Variants in TMEM63C observed in about 807,000 individuals in gnomAD.
TMEM63C encodes transmembrane protein 63C, also known as osmosensitive cation channel TMEM63C.
A neutral mutation model predicts 99.2 loss-of-function variants in TMEM63C; 32 were observed. The observed-to-expected ratio is 0.32, with a 90% confidence interval of 0.24 to 0.43. The LOEUF (loss-of-function observed/expected upper bound fraction) is 0.43, where lower values mean the gene tolerates loss of function less well. Among genes scored for constraint, TMEM63C ranks in the 20% least tolerant of loss-of-function variants. The pLI is 1.00. For synonymous variants in TMEM63C, 376 were observed against 397.9 expected (o/e 0.94, Z 0.66); for missense variants, 826 against 1,053.0 (o/e 0.78, Z 2.98).
chr14:77,258,058 A>T lies in TMEM63C; in HGVS notation c.*1332A>T, dbSNP rs1190436863. The T allele has an allele frequency of 2.0e-5, 3 of 152,284 alleles. No homozygotes were observed. Among genetic ancestry groups the T allele is most frequent in the Non-Finnish European group, 4.4e-5 (3 of 68,164 alleles). 9.4% of individuals were successfully genotyped at this position (152,284 alleles called of 1,614,324 possible). On this transcript the variant is annotated 3_prime_UTR_variant, in exon 24 of 24. Coordinates refer to ENST00000298351, the MANE Select transcript of TMEM63C (RefSeq NM_020431.4). Reference sequence around the variant, plus strand: ...CAGCACCTTTGCCACAGCCGGGGGGAACCGGCTTCTGCCTCTGGGATGGGC... The same window carrying T: ...CAGCACCTTTGCCACAGCCGGGGGGTACCGGCTTCTGCCTCTGGGATGGGC...
At chr14:77,234,251 C>G (rs932294347) in intron 8 of TMEM63C, among the ~76,000 whole-genome samples, 2 of 152,160 alleles carry the variant, frequency 1.3e-5, no homozygotes, top group African/African-American at 4.8e-5. Flanking sequence ...CCTCGCCTCC[C>G]CCAACCCCTA....
chr14:77,204,672 T>C (rs1041139432), intron 1 of TMEM63C, among the ~76,000 whole-genome samples: 1 of 152,158 alleles, frequency 6.6e-6, no homozygotes, highest in African/African-American at 2.4e-5. Context: ...GTAAACAACA[T>C]CGAATGTACT....
rs762610830 is a variant in TMEM63C at position 77,244,418 on chromosome 14, G to A, written c.1411G>A (p.Val471Ile). 1.2e-6 allele frequency: 2 copies of A among 1,613,936 alleles called. No individual in the cohort carries two copies. The highest frequency in any genetic ancestry group is 2.2e-5 in the East Asian group (1 of 44,864). Residue 471 changes from valine to isoleucine, a missense_variant, in exon 16 of 24, where the codon GTC becomes ATC. Coordinates refer to ENST00000298351, the MANE Select transcript of TMEM63C (RefSeq NM_020431.4). ...WGFTVILPLI[V>I]YFSAFLEAHW... ...CTTCACAGTGATACTGCCTCTGATT[G>A]TCTACTTCTCCGCCTTCCTCGAGGC...
intron 1 of TMEM63C, among the ~76,000 whole-genome samples, chr14:77,202,158 A>G (rs990726371): frequency 6.6e-6 from 1 of 152,262 alleles, no homozygotes; most frequent in African/African-American, 2.4e-5. Flanking sequence ...ACACAAGTGT[A>G]TACAACTCAA....
intron 5 of TMEM63C, among the ~76,000 whole-genome samples, chr14:77,224,167 G>A (rs1411336606): frequency 1.3e-5 from 2 of 151,978 alleles, no homozygotes; most frequent in African/African-American, 4.8e-5. Flanking sequence ...ACAGGGAAGG[G>A]GACTTAGAAG....
At chr14:77,202,005 C>G (rs1888308054) in intron 1 of TMEM63C, among the ~76,000 whole-genome samples, 1 of 152,218 alleles carries the variant, frequency 6.6e-6, no homozygotes, top group Non-Finnish European at 1.5e-5. Context: ...TGAGTCCATT[C>G]CATCCCCACT....
At chr14:77,215,816 A>C (rs988866184) in intron 2 of TMEM63C, among the ~76,000 whole-genome samples, 1 of 152,060 alleles carries the variant, frequency 6.6e-6, no homozygotes, top group Non-Finnish European at 1.5e-5. Flanking sequence ...TTGCTCCAGC[A>C]GTTCCCCCCT....
In TMEM63C at chr14:77,235,293, C is replaced by T. The variant is rs993239335; in HGVS notation, c.543-1331C>T. On this transcript the variant is annotated intron_variant, in intron 8 of 23. Transcript: ENST00000298351. ...GAGAGGGGTCCAGGGAGATTGTGATCGGTGGGAGGGGAGGGTCTGAGAAGA... is the reference window on the plus strand; with the variant it reads ...GAGAGGGGTCCAGGGAGATTGTGATTGGTGGGAGGGGAGGGTCTGAGAAGA... 5.4e-5 allele frequency among the ~76,000 whole-genome samples: 8 copies of T among 148,100 alleles called. No individual in the cohort carries two copies. In the South Asian group the frequency reaches 8.8e-4, roughly 16 times the overall value.
rs1285196189 is a variant in TMEM63C, at chr14:77,236,716, C to T, written c.635C>T (p.Pro212Leu). 1 of 1,611,392 alleles carries T rather than the reference C, an allele frequency of 6.2e-7. No homozygotes were observed. The change falls in exon 9 of 24, where the codon CCC (proline) becomes CTC (leucine). Residue 212 changes from proline to leucine, a missense_variant. Coordinates refer to ENST00000298351, the MANE Select transcript of TMEM63C (RefSeq NM_020431.4). Reference sequence around the variant, plus strand: ...GCTCATCACTGCCTGGGGTTTGCACCCAGGAATAGCCAAAAGGTAAGTAGC... The same window carrying T: ...GCTCATCACTGCCTGGGGTTTGCACTCAGGAATAGCCAAAAGGTAAGTAGC... ...FMAHHCLGFAPRNSQKVTRTL... is the reference protein window; with the variant it reads ...FMAHHCLGFALRNSQKVTRTL...
Position 77,242,884 on chromosome 14 carries a change from T to C in TMEM63C, c.1188-19T>C. ...AACTGATGTCTCTAAATGTGCCTCC[T>C]TCTTCCATCCTTCCCCAGGAAACAC... is the stretch of plus-strand genomic sequence containing the variant. On this transcript the variant is annotated intron_variant, in intron 14 of 23. Coordinates refer to ENST00000298351, the MANE Select transcript of TMEM63C (RefSeq NM_020431.4). 4 of 1,614,020 alleles carry C rather than the reference T, an allele frequency of 2.5e-6. No homozygotes were observed. The highest frequency in any genetic ancestry group is 2.5e-6 in the Non-Finnish European group (3 of 1,179,886).
At chr14:77,183,468 C>T (rs79361998) in intron 1 of TMEM63C, among the ~76,000 whole-genome samples, 2,549 of 152,222 alleles carry the variant, frequency 0.017, 78 homozygotes, top group African/African-American at 0.058. Flanking sequence ...CATCATGCCC[C>T]CACAGGGATA....
At chr14:77,219,084 C>G (rs778403296) in intron 3 of TMEM63C, 121 bp downstream of exon 3, 236 of 1,187,202 alleles carry the variant, frequency 2.0e-4, no homozygotes, top group Non-Finnish European at 2.6e-4. Context: ...ATACAAACTG[C>G]CTGAATGTCA....
intron 1 of TMEM63C, among the ~76,000 whole-genome samples, chr14:77,195,088 A>G (rs900884323): frequency 6.6e-6 from 1 of 152,078 alleles, no homozygotes; most frequent in Non-Finnish European, 1.5e-5. Context: ...ACCCCATCTC[A>G]AAAAAACAAA....
intron 6 of TMEM63C, among the ~76,000 whole-genome samples, chr14:77,230,010 G>T (rs1186977893): frequency 1.3e-5 from 2 of 151,802 alleles, no homozygotes; most frequent in African/African-American, 4.8e-5. Flanking sequence ...GATCATCCTG[G>T]TCAACATGGT....
At chr14:77,195,415 T>G (rs1232589085) in intron 1 of TMEM63C, among the ~76,000 whole-genome samples, 2 of 152,156 alleles carry the variant, frequency 1.3e-5, no homozygotes, top group Non-Finnish European at 2.9e-5. Flanking sequence ...ATCCTTGGAC[T>G]TTTCTGCCCT....
Position 77,231,636 on chromosome 14 carries a change from C to G in TMEM63C, c.399C>G (p.Ile133Met), listed in dbSNP as rs200672502. Residue 133 changes from isoleucine to methionine, a missense_variant, in exon 7 of 24, where the codon ATC becomes ATG. Transcript: ENST00000298351. ...GTGGGGACGACGCGCGCATCTACAT[C>G]GTGTTCCAGTACCACCTCATCATCT... ...NKCGDDARIY[I>M]VFQYHLIIFV... The G allele has an allele frequency of 3.4e-4, 524 of 1,551,636 alleles. 5 individuals carry two copies. In the South Asian group the frequency reaches 5.4e-3, roughly 16 times the overall value.
At chr14:77,190,829 C>T (rs1888092783) in intron 1 of TMEM63C, among the ~76,000 whole-genome samples, 1 of 152,010 alleles carries the variant, frequency 6.6e-6, no homozygotes, top group South Asian at 2.1e-4. Context: ...CATAAACACA[C>T]ACAAGGAAAG....
chr14:77,230,643 T>C (rs964835821), intron 6 of TMEM63C, among the ~76,000 whole-genome samples: 42 of 152,188 alleles, frequency 2.8e-4, no homozygotes, highest in African/African-American at 8.4e-4. Context: ...ATATGAGGGA[T>C]CTAGGCTGCC....
chr14:77,199,620 C>A (rs1888264656), intron 1 of TMEM63C, among the ~76,000 whole-genome samples: 1 of 152,206 alleles, frequency 6.6e-6, no homozygotes, highest in African/African-American at 2.4e-5. Flanking sequence ...TTCCTTGACC[C>A]CCCGGGCTGT....
Sources: gnomAD v4.1 joint callset for allele counts (sites outside exome capture counted in the v4.1 genomes callset) on GRCh38, gnomAD v4.1.1 for gene constraint, MANE v1.5 for transcripts, NCBI Gene and HGNC (gene_info 2026-07-23, HGNC 2026-07-21) for gene names.